The following ADGRG1 variants were observed in gnomAD, a reference collection of about 807,000 sequenced individuals.
The protein encoded by ADGRG1 is adhesion G protein-coupled receptor G1.
A neutral mutation model predicts 73.5 loss-of-function variants in ADGRG1; 53 were observed. That is an observed-to-expected ratio of 0.72 (90% CI 0.58 to 0.91). The LOEUF is 0.91. Ranked by LOEUF, ADGRG1 falls within the 40% of genes least tolerant of loss-of-function variation. The pLI, the probability that ADGRG1 is intolerant of heterozygous loss-of-function variation, is 0.00. For missense variants in ADGRG1, 795 were observed against 871.8 expected (o/e 0.91, Z 1.11); for synonymous variants, 394 against 374.4 (o/e 1.05, Z -0.60).
At chr16:57,644,209 C>G (rs1222086774) in intron 1 of ADGRG1, 2 of 984,254 alleles carry the variant, frequency 2.0e-6, no homozygotes, top group Non-Finnish European at 2.4e-6. Flanking sequence ...CCTGTGTATG[C>G]ACGGGCACAC....
At chr16:57,655,829 G>A in intron 6 of ADGRG1, 47 bp from the exon 7 acceptor site, 2 of 1,613,972 alleles carry the variant, frequency 1.2e-6, no homozygotes, top group Non-Finnish European at 1.7e-6. Flanking sequence ...CTTCTTCTCA[G>A]TCCTGAACTC....
rs1405753167 is a variant in ADGRG1 at position 57,645,294 on chromosome 16, G to C, written c.-35-4959G>C. 4 of 985,340 alleles carry C rather than the reference G, an allele frequency of 4.1e-6. No homozygotes were observed. In the African/African-American group the frequency reaches 7.0e-5, roughly 17 times the overall value. 61.0% of individuals were successfully genotyped at this position (985,340 alleles called of 1,614,324 possible). A position where few individuals can be genotyped will look rare whatever the true frequency, so the allele number is the denominator to read the frequency against. ...GGCCCATTTAAGGGGAAGGCCTCCA[G>C]GTGGGCAAGACTAGGCTGGAACCTG... On this transcript the variant is annotated intron_variant, in intron 1 of 13. Coordinates refer to ENST00000562631, the MANE Select transcript of ADGRG1 (RefSeq NM_201525.4).
intron 1 of ADGRG1, chr16:57,640,986 G>A (rs1597267356): frequency 1.0e-6 from 1 of 985,508 alleles, no homozygotes; most frequent in South Asian, 4.7e-5. Flanking sequence ...GTCCGGCTGT[G>A]GTTTGAGAGG....
Position 57,664,641 on chromosome 16 carries a change from G to C in ADGRG1, c.*1059G>C, listed in dbSNP as rs558838750. On this transcript the variant is annotated 3_prime_UTR_variant, in exon 14 of 14. Coordinates refer to ENST00000562631, the MANE Select transcript of ADGRG1 (RefSeq NM_201525.4). ...TCCAAGCCCCCAAATAGCTCCAGGC[G>C]CCCTCGGCCGCCCATCATGGTTAAT... 1 of 152,516 alleles carries C rather than the reference G, an allele frequency of 6.6e-6. No individual in the cohort carries two copies. Among genetic ancestry groups the C allele is most frequent in the African/African-American group, 2.4e-5 (1 of 41,562 alleles). 9.4% of individuals were successfully genotyped at this position (152,516 alleles called of 1,614,324 possible). A position where few individuals can be genotyped will look rare whatever the true frequency, so the allele number is the denominator to read the frequency against.
chr16:57,653,161 G>C (rs745992666), intron 3 of ADGRG1, 42 bp from the exon 4 acceptor site: 1 of 1,601,620 alleles, frequency 6.2e-7, no homozygotes, highest in South Asian at 1.1e-5. Context: ...CCTGGGACCT[G>C]AATCGGCAGC....
At chr16:57,644,747 T>C (rs2042022151) in intron 1 of ADGRG1, among the ~76,000 whole-genome samples, 1 of 123,538 alleles carries the variant, frequency 8.1e-6, no homozygotes, top group African/African-American at 3.2e-5. Context: ...ATCACACGTA[T>C]GCACGGGCAC....
In ADGRG1 at chr16:57,646,324, G is replaced by A. The variant is rs1210954404; in HGVS notation, c.-35-3929G>A. On this transcript the variant is annotated intron_variant, in intron 1 of 13. Coordinates refer to ENST00000562631, the MANE Select transcript of ADGRG1 (RefSeq NM_201525.4). ...AGAGGGGCAGGGCTGAGCCAGGTCTGGAGCTGGAGCCCTGGGGGTGGGGCG... is the reference window on the plus strand; with the variant it reads ...AGAGGGGCAGGGCTGAGCCAGGTCTAGAGCTGGAGCCCTGGGGGTGGGGCG... The A allele has an allele frequency of 6.4e-6, 6 of 944,010 alleles. No individual in the cohort carries two copies. In the African/African-American group the frequency reaches 7.1e-5, roughly 11 times the overall value. The allele number at this position is 944,010 out of a possible 1,614,324, so 58.5% of individuals were successfully genotyped here.
rs531202773 is a variant in ADGRG1, at chr16:57,648,510, G to A, written c.-35-1743G>A. On this transcript the variant is annotated intron_variant, in intron 1 of 13. Transcript: ENST00000562631. Reference sequence around the variant, plus strand: ...TCCACATGGTGGGACGCAGGGAACTGGCTCTCAGTCGAAGGGGCCAGGTTT... The same window carrying A: ...TCCACATGGTGGGACGCAGGGAACTAGCTCTCAGTCGAAGGGGCCAGGTTT... 4 of 968,752 alleles carry A rather than the reference G, an allele frequency of 4.1e-6. No homozygotes were observed. In the African/African-American group the frequency reaches 5.3e-5, roughly 13 times the overall value. 60.0% of individuals were successfully genotyped at this position (968,752 alleles called of 1,614,324 possible).
intron 2 of ADGRG1, chr16:57,622,252 T>C (rs1291690548): frequency 1.3e-5 from 2 of 152,028 alleles, no homozygotes; most frequent in Non-Finnish European, 2.9e-5. Flanking sequence ...CACAGGAAGA[T>C]ACTGAGGCAC....
chr16:57,638,121 G>A (rs1446299880), intron 1 of ADGRG1, among the ~76,000 whole-genome samples: 2 of 152,210 alleles, frequency 1.3e-5, no homozygotes, highest in African/African-American at 4.8e-5. Context: ...GGAAGAGAGC[G>A]AGCTCCCTGT....
intron 1 of ADGRG1, among the ~76,000 whole-genome samples, chr16:57,638,157 G>T (rs1008188862): frequency 7.2e-5 from 11 of 152,234 alleles, no homozygotes; most frequent in Non-Finnish European, 1.6e-4. Context: ...AATAAAGTTG[G>T]CTGAGCATTG....
Position 57,650,298 on chromosome 16 carries a change from A to T in ADGRG1, c.11A>T (p.Gln4Leu). The T allele has an allele frequency of 1.2e-6, 2 of 1,613,726 alleles. No homozygotes were observed. Among genetic ancestry groups the T allele is most frequent in the Non-Finnish European group, 1.7e-6 (2 of 1,179,624 alleles). ...CTCCGTCGGAGGAAAATGACTCCCCAGTCGCTGCTGCAGACGACACTGTTC... is the reference window on the plus strand; with the variant it reads ...CTCCGTCGGAGGAAAATGACTCCCCTGTCGCTGCTGCAGACGACACTGTTC... Reference protein sequence around the residue: MTPQSLLQTTLFLL... With the variant: MTPLSLLQTTLFLL... Residue 4 changes from glutamine (Q) to leucine (L), a missense_variant, in exon 2 of 14, where the codon CAG becomes CTG. Coordinates refer to ENST00000562631, the MANE Select transcript of ADGRG1 (RefSeq NM_201525.4).
At chr16:57,635,193 C>A in intron 1 of ADGRG1, 1 of 985,348 alleles carries the variant, frequency 1.0e-6, no homozygotes, top group Non-Finnish European at 1.2e-6. Flanking sequence ...ATGGCACTTC[C>A]CCTGCCCCCC....
intron 7 of ADGRG1, 51 bp downstream of exon 7, chr16:57,656,043 C>T: frequency 6.2e-7 from 1 of 1,613,746 alleles, no homozygotes; most frequent in Non-Finnish European, 8.5e-7. Context: ...GCCATGTCAC[C>T]CTTTCCTCTC....
At chr16:57,623,754 T>C (rs1486108101), upstream of ADGRG1, 1 of 981,674 alleles carries the variant, frequency 1.0e-6, no homozygotes, top group Non-Finnish European at 1.2e-6. Context: ...GCCTGGGCCC[T>C]GAGGCGGGTG....
chr16:57,643,560 G>T lies in ADGRG1; in HGVS notation c.-35-6693G>T. 3 of 983,654 alleles carry T rather than the reference G, an allele frequency of 3.0e-6. 1 individual carries two copies. The highest frequency in any genetic ancestry group is 9.4e-5 in the South Asian group (2 of 21,238). 60.9% of individuals were successfully genotyped at this position (983,654 alleles called of 1,614,324 possible). A position where few individuals can be genotyped will look rare whatever the true frequency, so the allele number is the denominator to read the frequency against. On this transcript the variant is annotated intron_variant, in intron 1 of 13. Transcript: ENST00000562631. Reference sequence around the variant, plus strand: ...CAGTGAGGCCTGAGCTGGCGGTATGGGGGGTGGGGGGTGTCCAGCAGGTCT... The same window carrying T: ...CAGTGAGGCCTGAGCTGGCGGTATGTGGGGTGGGGGGTGTCCAGCAGGTCT...
chr16:57,635,396 A>G, intron 1 of ADGRG1: 1 of 985,356 alleles, frequency 1.0e-6, no homozygotes, highest in Non-Finnish European at 1.2e-6. Context: ...GCCTCCTGGC[A>G]CCTTAAGTGG....
upstream of ADGRG1, chr16:57,626,986 G>A (rs2035964071): frequency 4.1e-6 from 4 of 985,540 alleles, no homozygotes; most frequent in African/African-American, 1.7e-5. Context: ...CAGAGGGTAT[G>A]ACATGGGCCC....
chr16:57,624,075 A>G (rs2035384111), upstream of ADGRG1: 3 of 405,594 alleles, frequency 7.4e-6, no homozygotes, highest in Non-Finnish European at 1.0e-5. Context: ...GGACTTTATC[A>G]TAATAATAAT....
Sources: gnomAD v4.1 joint callset for allele counts (sites outside exome capture counted in the v4.1 genomes callset) on GRCh38, gnomAD v4.1.1 for gene constraint, MANE v1.5 for transcripts, NCBI Gene and HGNC (gene_info 2026-07-23, HGNC 2026-07-21) for gene names.